CDKL3: variants seen among roughly 807,000 people sequenced by gnomAD.
CDKL3 encodes the protein cyclin-dependent kinase-like 3.
CDKL3 carries 65 observed loss-of-function variants against 69.3 expected under a neutral mutation model. The observed-to-expected ratio is 0.94, with a 90% CI of 0.77 to 1.15. CDKL3 has a LOEUF of 1.15. Among genes scored for constraint, CDKL3 ranks in the 50% most tolerant of loss-of-function variants. CDKL3 has a pLI of 0.00. For missense variants in CDKL3, 652 were observed against 689.2 expected (o/e 0.95, Z 0.61); for synonymous variants, 202 against 221.6 (o/e 0.91, Z 0.79).
chr5:134,314,058 T>TG (rs1474533873), intron 6 of CDKL3, among the ~76,000 whole-genome samples: 1 of 152,018 alleles, frequency 6.6e-6, no homozygotes, highest in African/African-American at 2.4e-5. Context: ...GCGGAAGAAT[T>TG]GCTTGAACCC....
At chr5:134,301,383 T>C (rs981201118) in intron 12 of CDKL3, among the ~76,000 whole-genome samples, 12 of 152,200 alleles carry the variant, frequency 7.9e-5, no homozygotes, top group Non-Finnish European at 1.5e-5. Flanking sequence ...ACTAAAGAGA[T>C]AGCCCTAAAT....
rs192924292 is a variant in CDKL3, at chr5:134,290,281, G to A, written c.*678-3722C>T. On this transcript the variant is annotated intron_variant and NMD_transcript_variant, in intron 8 of 8. Transcript: ENST00000519312. ...AGGCAGGAGAATCTCTTGAACCAGG[G>A]AGTCGGGAAGTTGCAGTGAGCCGAG... Among the ~76,000 whole-genome samples, 178 of 149,540 alleles carry A rather than the reference G, an allele frequency of 1.2e-3. 2 individuals carry two copies. Among genetic ancestry groups the A allele is most frequent in the East Asian group, 2.0e-4 (1 of 5,060 alleles).
chr5:134,310,055 T>A (rs1052954266), intron 7 of CDKL3, among the ~76,000 whole-genome samples: 5 of 152,160 alleles, frequency 3.3e-5, no homozygotes, highest in Non-Finnish European at 7.4e-5. Flanking sequence ...GGTCTTGAAC[T>A]CCTACGTTCA....
rs940853740 is a variant in CDKL3 at position 134,360,115 on chromosome 5, A to C, written c.166-24T>G. The C allele has an allele frequency of 4.8e-6, 7 of 1,452,670 alleles. No homozygotes were observed. In the African/African-American group the frequency reaches 1.0e-4, roughly 21 times the overall value. 90.0% of individuals were successfully genotyped at this position (1,452,670 alleles called of 1,614,324 possible). ...TGCTATTGACAAAAGAAACAACACAAATTTTTAATTATTTCAAGCCTAACA... is the reference window on the plus strand; with the variant it reads ...TGCTATTGACAAAAGAAACAACACACATTTTTAATTATTTCAAGCCTAACA... On this transcript the variant is annotated intron_variant, in intron 2 of 12. Coordinates refer to ENST00000265334, the MANE Select transcript of CDKL3 (RefSeq NM_001113575.2).
At chr5:134,338,600 G>A (rs943953097) in intron 4 of CDKL3, among the ~76,000 whole-genome samples, 3 of 152,254 alleles carry the variant, frequency 2.0e-5, no homozygotes, top group Admixed American at 2.0e-4. Context: ...GGAGGCTGAG[G>A]CAGGAGAATC....
intron 4 of CDKL3, among the ~76,000 whole-genome samples, chr5:134,322,309 G>A (rs1157924460): frequency 6.6e-6 from 1 of 152,118 alleles, no homozygotes; most frequent in South Asian, 2.1e-4. Flanking sequence ...ACCACGCCTG[G>A]CCCATTTGTA....
At chr5:134,341,972 C>A (rs1192160912) in intron 4 of CDKL3, among the ~76,000 whole-genome samples, 1 of 152,200 alleles carries the variant, frequency 6.6e-6, no homozygotes, top group Non-Finnish European at 1.5e-5. Flanking sequence ...TAGGAGGCCC[C>A]TCTTTCTCAC....
chr5:134,303,559 T>C (rs1766890376), intron 11 of CDKL3, among the ~76,000 whole-genome samples: 1 of 149,674 alleles, frequency 6.7e-6, no homozygotes, highest in Non-Finnish European at 1.5e-5. Flanking sequence ...ATTTATCCTT[T>C]GCAGCCAGCT....
chr5:134,368,841 C>G (rs1360402298), upstream of CDKL3, among the ~76,000 whole-genome samples: 1 of 151,866 alleles, frequency 6.6e-6, no homozygotes, highest in Non-Finnish European at 1.5e-5. Flanking sequence ...AGTTCCAGAC[C>G]AGCCTGGGCA....
chr5:134,371,563 T>C (rs1363667628), upstream of CDKL3: 38 of 1,609,506 alleles, frequency 2.4e-5, no homozygotes, highest in Non-Finnish European at 2.8e-5. Flanking sequence ...GGACTTTTTT[T>C]TTTTCAGACT....
At chr5:134,351,824 T>G (rs1753377410) in intron 3 of CDKL3, among the ~76,000 whole-genome samples, 1 of 152,172 alleles carries the variant, frequency 6.6e-6, no homozygotes, top group Non-Finnish European at 1.5e-5. Context: ...CATGTACATG[T>G]TGTTTTAAAA....
intron 6 of CDKL3, among the ~76,000 whole-genome samples, chr5:134,313,108 A>G (rs1770015813): frequency 6.6e-6 from 1 of 152,216 alleles, no homozygotes; most frequent in Admixed American, 6.5e-5. Context: ...TTTTTTGTAG[A>G]GATGGGAGTC....
upstream of CDKL3, among the ~76,000 whole-genome samples, chr5:134,367,825 A>G (rs1332217844): frequency 2.0e-5 from 3 of 152,332 alleles, no homozygotes; most frequent in East Asian, 5.8e-4. Flanking sequence ...GTTCCACCAT[A>G]TACGAAATGA....
At chr5:134,368,640 A>C (rs966674341), upstream of CDKL3, among the ~76,000 whole-genome samples, 3 of 150,546 alleles carry the variant, frequency 2.0e-5, no homozygotes, top group African/African-American at 4.9e-5. Context: ...AAAAAAAAAA[A>C]AGAAAGTTAT....
chr5:134,343,538 A>G (rs569296190), intron 4 of CDKL3, among the ~76,000 whole-genome samples: 451 of 152,332 alleles, frequency 3.0e-3, no homozygotes, highest in African/African-American at 0.011. Context: ...ATTAGCCACA[A>G]GATTAGAAAT....
At chr5:134,363,620 C>T (rs1756609830) in intron 2 of CDKL3, among the ~76,000 whole-genome samples, 1 of 152,026 alleles carries the variant, frequency 6.6e-6, no homozygotes, top group Admixed American at 6.6e-5. Flanking sequence ...ACTGCCATGC[C>T]TGGCTAATTT....
At chr5:134,362,510 A>T (rs2149658634) in intron 2 of CDKL3, among the ~76,000 whole-genome samples, 1 of 152,086 alleles carries the variant, frequency 6.6e-6, no homozygotes, top group East Asian at 1.9e-4. Context: ...CAAGAGTGAA[A>T]CTCTGTCTAA....
chr5:134,299,671 C>A (rs1436464688), intron 12 of CDKL3: 4 of 1,529,516 alleles, frequency 2.6e-6, no homozygotes, highest in Non-Finnish European at 3.5e-6. Context: ...TTCTGGGATT[C>A]CCTGAATTTT....
intron 2 of CDKL3, among the ~76,000 whole-genome samples, chr5:134,364,391 T>C (rs1290956676): frequency 2.0e-5 from 3 of 152,222 alleles, no homozygotes; most frequent in African/African-American, 4.8e-5. Flanking sequence ...ATTTCCAAAA[T>C]TGAAGTACTT....
Sources: gnomAD v4.1 joint callset for allele counts (sites outside exome capture counted in the v4.1 genomes callset) on GRCh38, gnomAD v4.1.1 for gene constraint, MANE v1.5 for transcripts, NCBI Gene and HGNC (gene_info 2026-07-23, HGNC 2026-07-21) for gene names.